Variants in PTPRD observed in about 807,000 individuals in gnomAD.
PTPRD encodes receptor-type tyrosine-protein phosphatase delta.
In PTPRD, 34 loss-of-function variants were observed where a neutral mutation model predicts 214.5. The ratio of observed to expected loss-of-function variants is 0.16; its 90% CI spans 0.12 to 0.21. The LOEUF (loss-of-function observed/expected upper bound fraction) is 0.21. Ranked by LOEUF, PTPRD falls within the 10% of genes least tolerant of loss-of-function variation. The pLI is 1.00. For missense variants in PTPRD, 2,545 were observed against 2,398.7 expected (o/e 1.06, Z -1.27); for synonymous variants, 1,128 against 845.7 (o/e 1.33, Z -5.79).
At chr9:10,269,381 G>C (rs2094291761) in intron 3 of PTPRD, among the ~76,000 whole-genome samples, 1 of 152,132 alleles carries the variant, frequency 6.6e-6, no homozygotes, top group South Asian at 2.1e-4. Flanking sequence ...ATTTTTGTTT[G>C]TTTGTATGTA....
intron 4 of PTPRD, among the ~76,000 whole-genome samples, chr9:9,947,346 A>ATTAT (rs1263631395): frequency 2.3e-5 from 1 of 43,690 alleles, no homozygotes; most frequent in African/African-American, 1.2e-4. Flanking sequence ...TTATATATAT[A>ATTAT]ATATATATTA....
At chr9:10,165,611 A>G (rs1021074217) in intron 3 of PTPRD, among the ~76,000 whole-genome samples, 2 of 151,798 alleles carry the variant, frequency 1.3e-5, no homozygotes, top group South Asian at 2.1e-4. Context: ...AAAAGACTCA[A>G]TGCTTTCAAA....
chr9:8,550,873 C>T (rs899200954), intron 14 of PTPRD, among the ~76,000 whole-genome samples: 11 of 152,196 alleles, frequency 7.2e-5, no homozygotes, highest in Admixed American at 2.0e-4. Context: ...AACGCAACAG[C>T]ACCAAGGCTG....
intron 3 of PTPRD, among the ~76,000 whole-genome samples, chr9:10,317,319 G>A (rs185170286): frequency 1.3e-3 from 191 of 151,978 alleles, no homozygotes; most frequent in Non-Finnish European, 2.3e-3. Context: ...CCTTTTTAAT[G>A]ATAATGTGAA....
chr9:8,490,479 A>G (rs1187471669), intron 27 of PTPRD, among the ~76,000 whole-genome samples: 1 of 152,202 alleles, frequency 6.6e-6, no homozygotes, highest in Non-Finnish European at 1.5e-5. Context: ...TAATATTTCC[A>G]AATTCTCCCT....
chr9:10,481,115 G>A (rs1853231), intron 2 of PTPRD, among the ~76,000 whole-genome samples: 46,732 of 151,454 alleles, frequency 0.31, 7,426 homozygotes, highest in Middle Eastern at 0.47. Context: ...AAGGAGAGGT[G>A]TTCTGAAATA....
chr9:9,973,983 G>T (rs2095255945), intron 4 of PTPRD, among the ~76,000 whole-genome samples: 1 of 152,072 alleles, frequency 6.6e-6, no homozygotes, highest in African/African-American at 2.4e-5. Context: ...ATATTCTGAT[G>T]GTTCTGTAAA....
At chr9:9,821,127 T>G (rs1008710613) in intron 5 of PTPRD, among the ~76,000 whole-genome samples, 14 of 152,180 alleles carry the variant, frequency 9.2e-5, no homozygotes, top group African/African-American at 3.4e-4. Flanking sequence ...TTTTCCCATT[T>G]GTGTCATCTA....
chr9:10,499,126 C>T (rs1038650389), intron 2 of PTPRD, among the ~76,000 whole-genome samples: 2 of 151,878 alleles, frequency 1.3e-5, no homozygotes, highest in African/African-American at 2.4e-5. Context: ...ACATTTGTTA[C>T]CAAAGAAAAT....
chr9:8,420,483 G>C (rs1271437369), intron 35 of PTPRD, among the ~76,000 whole-genome samples: 1 of 152,092 alleles, frequency 6.6e-6, no homozygotes, highest in African/African-American at 2.4e-5. Flanking sequence ...TTGTTTCAAA[G>C]TTCATCTGTT....
At chr9:8,491,497 G>T (rs1484931739) in intron 27 of PTPRD, among the ~76,000 whole-genome samples, 1 of 151,976 alleles carries the variant, frequency 6.6e-6, no homozygotes, top group Non-Finnish European at 1.5e-5. Context: ...TATAAGTGTA[G>T]GTAAATAAAA....
At chr9:8,706,053 C>G (rs1265807244) in intron 12 of PTPRD, among the ~76,000 whole-genome samples, 2 of 152,130 alleles carry the variant, frequency 1.3e-5, no homozygotes, top group Non-Finnish European at 2.9e-5. Context: ...GTACAGGACT[C>G]AAATTCTCCC....
chr9:10,289,025 T>TG (rs995602617), intron 3 of PTPRD, among the ~76,000 whole-genome samples: 20 of 71,178 alleles, frequency 2.8e-4, no homozygotes, highest in African/African-American at 3.7e-4. Flanking sequence ...GATGGAGAGT[T>TG]TTTTTTTTTT....
intron 10 of PTPRD, among the ~76,000 whole-genome samples, chr9:9,083,799 A>G (rs1434560852): frequency 6.6e-6 from 1 of 152,228 alleles, no homozygotes. Context: ...AACATATGAA[A>G]AAAAGCTCAT....
chr9:8,748,127 G>A (rs2093049681), intron 11 of PTPRD, among the ~76,000 whole-genome samples: 1 of 152,166 alleles, frequency 6.6e-6, no homozygotes, highest in Non-Finnish European at 1.5e-5. Flanking sequence ...CAATTCAGCA[G>A]GAAGCAGTTA....
intron 11 of PTPRD, among the ~76,000 whole-genome samples, chr9:8,744,574 C>T (rs995267462): frequency 6.6e-6 from 1 of 152,156 alleles, no homozygotes; most frequent in Non-Finnish European, 1.5e-5. Flanking sequence ...GCATGTTCTC[C>T]CTCATAAGGA....
At chr9:9,981,141 C>A (rs1566904660) in intron 4 of PTPRD, among the ~76,000 whole-genome samples, 1 of 152,104 alleles carries the variant, frequency 6.6e-6, no homozygotes, top group Non-Finnish European at 1.5e-5. Context: ...AACTAAACAT[C>A]TAATACAATT....
intron 9 of PTPRD, among the ~76,000 whole-genome samples, chr9:9,310,972 G>A (rs771659929): frequency 3.2e-4 from 48 of 148,944 alleles, no homozygotes; most frequent in Non-Finnish European, 3.6e-4. Flanking sequence ...TAACATTCTC[G>A]GTGGGAGGCC....
intron 2 of PTPRD, among the ~76,000 whole-genome samples, chr9:10,498,247 A>C (rs2042682553): frequency 6.6e-6 from 1 of 151,982 alleles, no homozygotes; most frequent in South Asian, 2.1e-4. Context: ...CAATACATTA[A>C]AATGAAGTTA....
Sources: allele counts gnomAD v4.1 joint callset (sites outside exome capture counted in the v4.1 genomes callset), GRCh38; gene constraint gnomAD v4.1.1; transcripts MANE v1.5; gene names NCBI Gene and HGNC (gene_info 2026-07-23, HGNC 2026-07-21).